SCAI: variants seen among roughly 807,000 people sequenced by gnomAD.
The protein encoded by SCAI is protein SCAI.
In SCAI, 24 loss-of-function variants were observed where a neutral mutation model predicts 92.2. The observed-to-expected ratio is 0.26, with a 90% CI of 0.19 to 0.37. The LOEUF is 0.37. SCAI is among the 10% of genes least tolerant of loss of function. SCAI has a pLI of 1.00. For missense variants in SCAI, 450 were observed against 736.2 expected, an observed-to-expected ratio of 0.61 and a Z score of 4.50; for synonymous variants, 261 against 258.6, an observed-to-expected ratio of 1.01 and a Z score of -0.09.
At chr9:125,103,431 C>T (rs1191907688) in intron 2 of SCAI, among the ~76,000 whole-genome samples, 1 of 152,094 alleles carries the variant, frequency 6.6e-6, no homozygotes, top group Non-Finnish European at 1.5e-5. Context: ...AGTGAGATGG[C>T]AGATTTTTAA....
At chr9:125,129,813 A>G (rs2131263063) in intron 2 of SCAI, among the ~76,000 whole-genome samples, 1 of 152,142 alleles carries the variant, frequency 6.6e-6, no homozygotes, top group South Asian at 2.1e-4. Context: ...TCATAAATCT[A>G]GATACCGATT....
chr9:124,952,693 T>C lies in SCAI; in HGVS notation c.*114A>G, dbSNP rs556415164. ...TTGTTTGTTTTTAAAATGGTGGCCC[T>C]AAATTAAAAAATAAAAACTAAGTAA... On this transcript the variant is annotated 3_prime_UTR_variant, in exon 18 of 18. Coordinates refer to ENST00000336505, the MANE Select transcript of SCAI (RefSeq NM_001144877.3). The C allele has an allele frequency of 2.6e-6, 2 of 773,866 alleles. No homozygotes were observed. The highest frequency in any genetic ancestry group is 3.6e-4 in the Middle Eastern group (1 of 2,742). 47.9% of individuals were successfully genotyped at this position (773,866 alleles called of 1,614,324 possible).
intron 2 of SCAI, among the ~76,000 whole-genome samples, chr9:125,079,092 A>T (rs1834154111): frequency 1.3e-5 from 2 of 151,268 alleles, no homozygotes; most frequent in South Asian, 2.1e-4. Flanking sequence ...TACTTGATTC[A>T]TCTATTTCTG....
chr9:124,965,511 A>G (rs1831523488), intron 17 of SCAI, among the ~76,000 whole-genome samples: 3 of 152,230 alleles, frequency 2.0e-5, no homozygotes, highest in Admixed American at 6.5e-5. Flanking sequence ...CTGGGATTAC[A>G]GGCGTGAGCT....
chr9:124,990,217 G>A (rs1459236606), intron 14 of SCAI, among the ~76,000 whole-genome samples: 1 of 151,946 alleles, frequency 6.6e-6, no homozygotes, highest in Non-Finnish European at 1.5e-5. Flanking sequence ...GGCTGGGAGC[G>A]GTGGTTCACG....
chr9:125,014,478 T>C (rs1832707590), intron 9 of SCAI, among the ~76,000 whole-genome samples: 1 of 152,150 alleles, frequency 6.6e-6, no homozygotes, highest in Non-Finnish European at 1.5e-5. Flanking sequence ...TTACAAGGGA[T>C]GTGAAGGACC....
At chr9:125,061,756 C>A (rs1253518889) in intron 2 of SCAI, among the ~76,000 whole-genome samples, 1 of 151,092 alleles carries the variant, frequency 6.6e-6, no homozygotes, top group Non-Finnish European at 1.5e-5. Flanking sequence ...CAAGACCCAG[C>A]TCAAAATGAA....
intron 15 of SCAI, chr9:124,975,410 A>G (rs1831735402): frequency 4.4e-6 from 2 of 454,200 alleles, no homozygotes; most frequent in Admixed American, 2.4e-5. Flanking sequence ...TTAGGGAGAT[A>G]GTGAAACAGT....
intron 17 of SCAI, among the ~76,000 whole-genome samples, chr9:124,960,336 G>A (rs7038320): frequency 5.6e-4 from 85 of 152,174 alleles, no homozygotes; most frequent in Non-Finnish European, 1.1e-3. Context: ...CTCAAGCGAC[G>A]CCCCAGCTTT....
At chr9:124,959,589 G>A (rs377297079) in intron 17 of SCAI, among the ~76,000 whole-genome samples, 2 of 150,212 alleles carry the variant, frequency 1.3e-5, no homozygotes, top group South Asian at 2.1e-4. Context: ...TGCCATGCAG[G>A]TTTGTTACAT....
chr9:125,062,455 A>G (rs915359632), intron 2 of SCAI, among the ~76,000 whole-genome samples: 1 of 150,896 alleles, frequency 6.6e-6, no homozygotes, highest in African/African-American at 2.4e-5. Flanking sequence ...AAAAAAAAAA[A>G]AAAAAGAAAA....
chr9:125,019,701 G>A (rs1165383252), intron 7 of SCAI, among the ~76,000 whole-genome samples: 1 of 151,970 alleles, frequency 6.6e-6, no homozygotes, highest in Admixed American at 6.6e-5. Context: ...ATGGTTTTTG[G>A]AAATATTTTT....
intron 17 of SCAI, among the ~76,000 whole-genome samples, chr9:124,955,191 G>C (rs1183578991): frequency 5.4e-5 from 8 of 147,422 alleles, no homozygotes; most frequent in African/African-American, 2.0e-4. Context: ...AAAAATTAAA[G>C]ATAAATGCTT....
At chr9:125,073,938 G>T (rs1404396508) in intron 2 of SCAI, among the ~76,000 whole-genome samples, 1 of 149,642 alleles carries the variant, frequency 6.7e-6, no homozygotes, top group Non-Finnish European at 1.5e-5. Context: ...AAGCACTCTC[G>T]TTCTCCTTTT....
chr9:124,984,181 G>T (rs1480170791), intron 14 of SCAI, among the ~76,000 whole-genome samples: 1 of 152,118 alleles, frequency 6.6e-6, no homozygotes, highest in African/African-American at 2.4e-5. Flanking sequence ...AAAGATCTAG[G>T]GCAGATGACT....
rs1831192581 is a variant in SCAI, at chr9:124,948,884, A to C, written c.*3923T>G. On this transcript the variant is annotated 3_prime_UTR_variant, in exon 18 of 18. Transcript: ENST00000336505. The stretch of plus-strand genomic sequence containing the variant: ...ATATTTAAATTTTTATGAATTATAA[A>C]ATTAAATACATTAGGGTTTAAATTT... 6.6e-6 allele frequency: 1 copy of C among 152,208 alleles called. No homozygotes were observed. The highest frequency in any genetic ancestry group is 2.4e-5 in the African/African-American group (1 of 41,452). 9.4% of individuals were successfully genotyped at this position (152,208 alleles called of 1,614,324 possible).
chr9:125,036,547 C>T (rs1006581005), intron 3 of SCAI, among the ~76,000 whole-genome samples: 5 of 152,162 alleles, frequency 3.3e-5, no homozygotes, highest in African/African-American at 7.2e-5. Flanking sequence ...TTAGCCAATA[C>T]TACTTCATAG....
At chr9:125,116,390 G>A (rs1048333135) in intron 2 of SCAI, among the ~76,000 whole-genome samples, 3 of 151,974 alleles carry the variant, frequency 2.0e-5, no homozygotes, top group African/African-American at 7.3e-5. Flanking sequence ...AAGGAAGACA[G>A]AAAGCAAAAT....
chr9:124,946,398 A>T lies in SCAI; in HGVS notation c.*6409T>A, dbSNP rs1350641136. On this transcript the variant is annotated 3_prime_UTR_variant, in exon 18 of 18. Transcript: ENST00000336505. This position sits in a 1 kb window ranked among gnomAD's most constrained non-coding sequence, Gnocchi z 4.0. Reference sequence around the variant, plus strand: ...AAATGTAACATTTTTTTGGGTGGTAAAACAGACTCCTGAGATAATTTCTCT... The same window carrying T: ...AAATGTAACATTTTTTTGGGTGGTATAACAGACTCCTGAGATAATTTCTCT... 1 of 152,170 alleles carries T rather than the reference A, an allele frequency of 6.6e-6. No homozygotes were observed. The highest frequency in any genetic ancestry group is 1.5e-5 in the Non-Finnish European group (1 of 68,024). The allele number at this position is 152,170 out of a possible 1,614,324, so 9.4% of individuals were successfully genotyped here. A position where few individuals can be genotyped will look rare whatever the true frequency, so the allele number is the denominator to read the frequency against.
Sources: allele counts gnomAD v4.1 joint callset (sites outside exome capture counted in the v4.1 genomes callset), GRCh38; gene constraint gnomAD v4.1.1; non-coding constraint Gnocchi (gnomAD v3.1); transcripts MANE v1.5; gene names NCBI Gene and HGNC (gene_info 2026-07-23, HGNC 2026-07-21).